Variants in UNC13C observed in about 807,000 individuals in gnomAD.
The protein encoded by UNC13C is unc-13 homolog C.
In UNC13C, 174 loss-of-function variants were observed where a neutral mutation model predicts 245.4. That is an observed-to-expected ratio of 0.71 (90% CI 0.63 to 0.80). The LOEUF is 0.80. Ranked by LOEUF, UNC13C falls within the 30% of genes least tolerant of loss-of-function variation. The pLI is 0.00. For missense variants in UNC13C, 2,829 were observed against 2,602.9 expected (o/e 1.09, Z -1.89); for synonymous variants, 992 against 895.1 (o/e 1.11, Z -1.93).
chr15:54,025,276 C>A (rs541925367), intron 2 of UNC13C, among the ~76,000 whole-genome samples: 1 of 152,252 alleles, frequency 6.6e-6, no homozygotes, highest in South Asian at 2.1e-4. Context: ...ATTTGTTATG[C>A]GTGTATGTGT....
At chr15:54,358,541 A>G (rs1346998992) in intron 17 of UNC13C, among the ~76,000 whole-genome samples, 1 of 152,040 alleles carries the variant, frequency 6.6e-6, no homozygotes, top group East Asian at 1.9e-4. Context: ...TTTGACCTCC[A>G]TGTTTAAATG....
At chr15:53,964,709 G>A in the UNC13C span, among the ~76,000 whole-genome samples, 8 of 152,072 alleles carry the variant, frequency 5.3e-5, no homozygotes, top group African/African-American at 1.9e-4. Context: ...TATTAAAGAT[G>A]ATATATGAAA....
intron 4 of UNC13C, among the ~76,000 whole-genome samples, chr15:54,170,007 TTA>T (rs201434718): frequency 0.32 from 28,488 of 90,184 alleles, 2,914 homozygotes; most frequent in South Asian, 0.36. Flanking sequence ...TTTTTTTTTT[TTA>T]AACATCGCTA....
chr15:54,490,893 T>C (rs1225881240), intron 19 of UNC13C, among the ~76,000 whole-genome samples: 1 of 152,154 alleles, frequency 6.6e-6, no homozygotes, highest in Non-Finnish European at 1.5e-5. Context: ...AATACCACTA[T>C]CGGCAGATCA....
chr15:54,608,699 G>T (rs147357788), intron 30 of UNC13C, among the ~76,000 whole-genome samples: 3 of 152,224 alleles, frequency 2.0e-5, no homozygotes, highest in Non-Finnish European at 4.4e-5. Context: ...ATACACTAAG[G>T]AAGAAAAGGA....
At chr15:54,383,303 C>T (rs2039766825) in intron 17 of UNC13C, among the ~76,000 whole-genome samples, 1 of 152,066 alleles carries the variant, frequency 6.6e-6, no homozygotes, top group Non-Finnish European at 1.5e-5. Context: ...TACTAACAAA[C>T]TGAATGCAAC....
chr15:54,393,897 C>G (rs1197201114), intron 18 of UNC13C, among the ~76,000 whole-genome samples: 1 of 151,754 alleles, frequency 6.6e-6, no homozygotes, highest in Non-Finnish European at 1.5e-5. Flanking sequence ...TATTTTACAC[C>G]CACATATTAA....
intron 17 of UNC13C, among the ~76,000 whole-genome samples, chr15:54,371,840 G>A (rs2039493525): frequency 6.6e-6 from 1 of 152,016 alleles, no homozygotes; most frequent in Non-Finnish European, 1.5e-5. Flanking sequence ...AATAAGCCAG[G>A]CACAGAAAGA....
intron 30 of UNC13C, among the ~76,000 whole-genome samples, chr15:54,616,665 T>TACTATGAAAGAGTCAAAAGGTTAAA (rs1900455994): frequency 6.6e-6 from 1 of 152,084 alleles, no homozygotes; most frequent in Non-Finnish European, 1.5e-5. Context: ...AGCTATGTGT[T>TACTATGAAAGAGTCAAAAGGTTAAA]ACTATGAAAG....
At chr15:53,904,149 A>G in the UNC13C span, among the ~76,000 whole-genome samples, 1 of 152,078 alleles carries the variant, frequency 6.6e-6, no homozygotes, top group African/African-American at 2.4e-5. Flanking sequence ...CAATAAGGAA[A>G]CTCTTTGGTT....
At chr15:54,090,021 G>A (rs961794157) in intron 2 of UNC13C, among the ~76,000 whole-genome samples, 1 of 152,120 alleles carries the variant, frequency 6.6e-6, no homozygotes, top group Admixed American at 6.5e-5. Flanking sequence ...AAACAGCCTG[G>A]GGCTCACATG....
intron 17 of UNC13C, among the ~76,000 whole-genome samples, chr15:54,385,788 C>T (rs562918): frequency 0.34 from 52,211 of 151,570 alleles, 9,202 homozygotes; most frequent in Admixed American, 0.4. Context: ...TCATTATATG[C>T]TCTATGCGTG....
At chr15:54,441,935 T>C (rs571021932) in intron 19 of UNC13C, among the ~76,000 whole-genome samples, 1 of 152,068 alleles carries the variant, frequency 6.6e-6, no homozygotes, top group Admixed American at 6.6e-5. Context: ...TATTTTTTTG[T>C]AGCTATTTTA....
intron 4 of UNC13C, among the ~76,000 whole-genome samples, chr15:54,186,716 T>C (rs1263189437): frequency 6.6e-6 from 1 of 151,852 alleles, no homozygotes; most frequent in South Asian, 2.1e-4. Flanking sequence ...TCTGAGCTTC[T>C]AGAGAAAACC....
At chr15:54,169,976 G>C (rs2033327733) in intron 4 of UNC13C, among the ~76,000 whole-genome samples, 1 of 140,356 alleles carries the variant, frequency 7.1e-6, no homozygotes, top group Non-Finnish European at 1.5e-5. Context: ...ATATCAGCAA[G>C]GACAATATCC....
At chr15:54,402,623 T>C (rs184862970) in intron 18 of UNC13C, among the ~76,000 whole-genome samples, 1 of 152,302 alleles carries the variant, frequency 6.6e-6, no homozygotes, top group East Asian at 1.9e-4. Context: ...TAAGCATTTT[T>C]ACAGTTTAAT....
chr15:54,267,833 A>G (rs1453597803), intron 10 of UNC13C, among the ~76,000 whole-genome samples: 2 of 151,952 alleles, frequency 1.3e-5, no homozygotes, highest in Non-Finnish European at 2.9e-5. Flanking sequence ...ACATTTGGTC[A>G]TTATTTCTTT....
chr15:54,493,488 C>T (rs370960561), intron 19 of UNC13C, among the ~76,000 whole-genome samples: 1 of 152,068 alleles, frequency 6.6e-6, no homozygotes, highest in African/African-American at 2.4e-5. Flanking sequence ...GGGTTGAGTT[C>T]TCTCTTATGT....
chr15:53,933,702 T>G, the UNC13C span, among the ~76,000 whole-genome samples: 1 of 152,174 alleles, frequency 6.6e-6, no homozygotes, highest in African/African-American at 2.4e-5. Flanking sequence ...GTCTGTGCCT[T>G]TGCTCCCTCT....
Sources: allele counts gnomAD v4.1 joint callset (sites outside exome capture counted in the v4.1 genomes callset), GRCh38; gene constraint gnomAD v4.1.1; transcripts MANE v1.5; gene names NCBI Gene and HGNC (gene_info 2026-07-23, HGNC 2026-07-21).